Variants in TTC29 observed in about 807,000 individuals in gnomAD.
TTC29 encodes tetratricopeptide repeat domain 29.
TTC29 carries 49 observed loss-of-function variants against 58.1 expected under a neutral mutation model. The ratio of observed to expected loss-of-function variants is 0.84; its 90% confidence interval spans 0.67 to 1.07. The LOEUF is 1.07. Ranked by LOEUF, TTC29 falls within the 50% of genes least tolerant of loss-of-function variation. The pLI is 0.00. For synonymous variants in TTC29, 209 were observed against 196.8 expected (o/e 1.06, Z -0.52); for missense variants, 582 against 555.6 (o/e 1.05, Z -0.48).
intron 11 of TTC29, among the ~76,000 whole-genome samples, chr4:146,724,890 A>G (rs1743655958): frequency 6.6e-6 from 1 of 152,216 alleles, no homozygotes; most frequent in Non-Finnish European, 1.5e-5. Context: ...TTAATGGAGG[A>G]AGACTTCAGC....
intron 6 of TTC29, among the ~76,000 whole-genome samples, chr4:146,882,021 G>A (rs1360038480): frequency 6.6e-6 from 1 of 152,132 alleles, no homozygotes; most frequent in Non-Finnish European, 1.5e-5. Flanking sequence ...CAGTTAAAGA[G>A]TATCGGTCAT....
chr4:146,879,170 T>C (rs970907690), intron 6 of TTC29, among the ~76,000 whole-genome samples: 3 of 152,150 alleles, frequency 2.0e-5, no homozygotes, highest in African/African-American at 7.2e-5. Context: ...AGCACACAAA[T>C]GACTTATCTG....
chr4:146,778,148 T>G (rs1189956676), intron 11 of TTC29, among the ~76,000 whole-genome samples: 2 of 148,214 alleles, frequency 1.3e-5, no homozygotes, highest in African/African-American at 5.1e-5. Context: ...ATGTTCTTTA[T>G]TTCCTCTTTT....
chr4:146,787,624 C>G (rs1281670276), intron 11 of TTC29, among the ~76,000 whole-genome samples: 1 of 152,196 alleles, frequency 6.6e-6, no homozygotes, highest in Non-Finnish European at 1.5e-5. Context: ...TTCAGAAAAT[C>G]TTCTGTGAAA....
intron 2 of TTC29, among the ~76,000 whole-genome samples, chr4:146,943,381 A>G (rs1321750317): frequency 6.6e-6 from 1 of 151,828 alleles, no homozygotes; most frequent in Non-Finnish European, 1.5e-5. Context: ...GGGTGGTCAG[A>G]GCTGAATGAT....
chr4:146,786,032 A>C (rs541457565), intron 11 of TTC29, among the ~76,000 whole-genome samples: 1 of 152,054 alleles, frequency 6.6e-6, no homozygotes, highest in Admixed American at 6.6e-5. Context: ...CAACTGAAAT[A>C]GTAAACTTGG....
intron 11 of TTC29, among the ~76,000 whole-genome samples, chr4:146,736,940 T>C (rs1189139855): frequency 1.3e-5 from 2 of 152,150 alleles, no homozygotes; most frequent in Non-Finnish European, 1.5e-5. Flanking sequence ...TATTGACACT[T>C]AGTGCACTAT....
At chr4:146,833,622 T>A (rs751265565) in intron 9 of TTC29, among the ~76,000 whole-genome samples, 184 bp downstream of exon 9, 32 of 151,680 alleles carry the variant, frequency 2.1e-4, no homozygotes, top group Non-Finnish European at 3.8e-4. Flanking sequence ...CAAAGAAGAG[T>A]TTAGATGCAT....
At chr4:146,734,143 TA>T (rs1293659749) in intron 11 of TTC29, among the ~76,000 whole-genome samples, 1 of 152,192 alleles carries the variant, frequency 6.6e-6, no homozygotes, top group Admixed American at 6.6e-5. Flanking sequence ...TTTATTTCTA[TA>T]ATATGATTGA....
At chr4:146,863,825 T>C (rs79897608) in intron 8 of TTC29, among the ~76,000 whole-genome samples, 10,559 of 152,194 alleles carry the variant, frequency 0.069, 472 homozygotes, top group Admixed American at 0.13. Context: ...GGAAGATCGA[T>C]GTCTCTGCTC....
At chr4:146,856,761 GCTA>G (rs1281512788) in intron 8 of TTC29, among the ~76,000 whole-genome samples, 5 of 150,904 alleles carry the variant, frequency 3.3e-5, no homozygotes, top group Admixed American at 3.3e-4. Flanking sequence ...GATTTAAAGA[GCTA>G]CTCCTTATTG....
Position 146,903,672 on chromosome 4 carries a change from G to A in TTC29, c.458C>T (p.Ser153Phe), listed in dbSNP as rs781622023. The change falls in exon 6 of 13, where the codon TCT becomes TTT. Residue 153 changes from serine to phenylalanine, a missense_variant. Physicochemically the swap from Ser to Phe is radical, Grantham distance 155 (BLOSUM62 -2). Transcript: ENST00000325106. ...LYALACYFNN[S>F]EDKWVRNHFY... ...GTGGTTCCTTACCCACTTGTCTTCA[G>A]AATTATTGAAGTAACAGGCCAGAGC... is the stretch of plus-strand genomic sequence containing the variant. 5.6e-6 allele frequency: 9 copies of A among 1,612,432 alleles called. No homozygotes were observed. Among genetic ancestry groups the A allele is most frequent in the Non-Finnish European group, 7.6e-6 (9 of 1,179,260 alleles).
At chr4:146,849,181 T>C (rs1353896383) in intron 8 of TTC29, among the ~76,000 whole-genome samples, 1 of 152,092 alleles carries the variant, frequency 6.6e-6, no homozygotes, top group Non-Finnish European at 1.5e-5. Context: ...ATGTGCAGGG[T>C]GTCTTATATC....
chr4:146,727,960 C>G (rs74288664), intron 11 of TTC29, among the ~76,000 whole-genome samples: 2 of 152,074 alleles, frequency 1.3e-5, no homozygotes, highest in East Asian at 3.9e-4. Flanking sequence ...TTAGTACATA[C>G]GGAGTTGCTT....
intron 4 of TTC29, among the ~76,000 whole-genome samples, chr4:146,921,385 G>C (rs560664563): frequency 1.3e-5 from 2 of 151,312 alleles, no homozygotes; most frequent in African/African-American, 4.8e-5. Context: ...GTATTTGCAA[G>C]AAGATGAAAT....
intron 8 of TTC29, among the ~76,000 whole-genome samples, chr4:146,860,458 A>T (rs914142148): frequency 6.6e-6 from 1 of 152,238 alleles, no homozygotes; most frequent in Admixed American, 6.5e-5. Flanking sequence ...TCCTCCTTAT[A>T]TGTGGGGAAT....
At chr4:146,837,987 T>C (rs1728620898) in intron 8 of TTC29, among the ~76,000 whole-genome samples, 1 of 152,014 alleles carries the variant, frequency 6.6e-6, no homozygotes, top group Non-Finnish European at 1.5e-5. Flanking sequence ...GTTACCAAAG[T>C]TGGCAAAGTC....
At chr4:146,797,430 G>A (rs13102242) in intron 11 of TTC29, among the ~76,000 whole-genome samples, 33,734 of 152,000 alleles carry the variant, frequency 0.22, 4,014 homozygotes, top group East Asian at 0.31. Context: ...TTGTACTGAT[G>A]TTTAGTGATT....
At chr4:146,876,763 C>A (rs946816274) in intron 6 of TTC29, among the ~76,000 whole-genome samples, 24 of 151,774 alleles carry the variant, frequency 1.6e-4, no homozygotes, top group African/African-American at 5.8e-4. Flanking sequence ...GGTGAAGCTC[C>A]GTCTCTACTA....
Sources: gnomAD v4.1 joint callset for allele counts (sites outside exome capture counted in the v4.1 genomes callset) on GRCh38, gnomAD v4.1.1 for gene constraint, MANE v1.5 for transcripts, NCBI Gene and HGNC (gene_info 2026-07-23, HGNC 2026-07-21) for gene names.